Variants in MAPT observed in about 807,000 individuals in gnomAD.
The protein encoded by MAPT is microtubule-associated protein tau.
MAPT carries 34 observed loss-of-function variants against 67.9 expected under a neutral mutation model. The ratio of observed to expected loss-of-function variants is 0.50; its 90% CI spans 0.38 to 0.67. MAPT has a LOEUF of 0.67. MAPT is among the 30% of genes least tolerant of loss of function. The pLI, the probability that MAPT is intolerant of heterozygous loss-of-function variation, is 0.00. For missense variants in MAPT, 881 were observed against 1,115.2 expected, an observed-to-expected ratio of 0.79 and a Z score of 2.99; for synonymous variants, 456 against 464.5, an observed-to-expected ratio of 0.98 and a Z score of 0.23.
chr17:46,006,797 C>T (rs969649797), intron 9 of MAPT, among the ~76,000 whole-genome samples: 17 of 151,966 alleles, frequency 1.1e-4, no homozygotes, highest in African/African-American at 4.1e-4. Context: ...GTGGTGGGCG[C>T]CTGTAGTCCC....
At chr17:45,950,639 T>A (rs188838950) in intron 1 of MAPT, among the ~76,000 whole-genome samples, 1 of 152,154 alleles carries the variant, frequency 6.6e-6, no homozygotes, top group Admixed American at 6.5e-5. Flanking sequence ...CTAGTTCCCA[T>A]ACTTTTAATT....
At chr17:45,900,512 A>G (rs1161597353) in intron 1 of MAPT, among the ~76,000 whole-genome samples, 1 of 152,164 alleles carries the variant, frequency 6.6e-6, no homozygotes, top group Non-Finnish European at 1.5e-5. Context: ...TGCTTTTTTC[A>G]TATTTCATCA....
intron 5 of MAPT, among the ~76,000 whole-genome samples, chr17:45,986,739 C>T (rs1335340634): frequency 6.6e-6 from 1 of 152,192 alleles, no homozygotes; most frequent in African/African-American, 2.4e-5. Flanking sequence ...CCTTAGATAG[C>T]CTCCATGCCA....
Position 45,896,843 on chromosome 17 carries a change from A to C in MAPT, c.-18+2157A>C, listed in dbSNP as rs2063275223. 1.3e-5 allele frequency: 2 copies of C among 152,768 alleles called. No homozygotes were observed. Among genetic ancestry groups the C allele is most frequent in the Non-Finnish European group, 2.9e-5 (2 of 68,400 alleles). The allele number at this position is 152,768 out of a possible 1,614,324, so 9.5% of individuals were successfully genotyped here. A position where few individuals can be genotyped will look rare whatever the true frequency, so the allele number is the denominator to read the frequency against. ...GGGCGGCAGGGGGAACTCCTGGCCA[A>C]CGAATCCATGCCTCGCCCTCCTGTG... On this transcript the variant is annotated intron_variant, in intron 1 of 12. Coordinates refer to ENST00000262410, the MANE Select transcript of MAPT (RefSeq NM_001377265.1). This position sits in a 1 kb window ranked among gnomAD's most constrained non-coding sequence, Gnocchi z 5.6.
At chr17:45,908,669 A>G (rs2064510587) in intron 1 of MAPT, among the ~76,000 whole-genome samples, 1 of 152,208 alleles carries the variant, frequency 6.6e-6, no homozygotes, top group Admixed American at 6.5e-5. Context: ...GGGGTTATGC[A>G]TATCGAATTA....
chr17:46,007,472 G>A (rs939094898), intron 9 of MAPT, among the ~76,000 whole-genome samples: 1 of 152,090 alleles, frequency 6.6e-6, no homozygotes, highest in African/African-American at 2.4e-5. Context: ...GGGTGACAGA[G>A]TGAGAGCTTG....
intron 1 of MAPT, among the ~76,000 whole-genome samples, chr17:45,916,657 C>T (rs1330904076): frequency 6.6e-6 from 1 of 152,198 alleles, no homozygotes. Flanking sequence ...CTCCTCCCTG[C>T]AGGACCTCCC....
intron 1 of MAPT, among the ~76,000 whole-genome samples, chr17:45,938,688 G>T (rs1443521310): frequency 6.6e-6 from 1 of 152,042 alleles, no homozygotes; most frequent in Non-Finnish European, 1.5e-5. Context: ...TATGGTTCAG[G>T]CTGGAGTGCA....
chr17:45,984,573 T>C (rs985090470), intron 5 of MAPT, among the ~76,000 whole-genome samples: 43 of 152,358 alleles, frequency 2.8e-4, no homozygotes, highest in Non-Finnish European at 2.9e-5. Context: ...GCTCATGCTG[T>C]GCCTTTGGCC....
intron 9 of MAPT, among the ~76,000 whole-genome samples, chr17:46,008,435 A>G (rs1408835264): frequency 6.6e-6 from 1 of 152,218 alleles, no homozygotes; most frequent in Non-Finnish European, 1.5e-5. Flanking sequence ...GCATGTGCAC[A>G]ATAATTCTAC....
Position 45,962,361 on chromosome 17 carries a change from C to T in MAPT, c.24C>T (p.Phe8=), listed in dbSNP as rs886700939. 1.2e-6 allele frequency: 2 copies of T among 1,612,004 alleles called. No homozygotes were observed. The highest frequency in any genetic ancestry group is 1.7e-6 in the Non-Finnish European group (2 of 1,179,854). MAEPRQE[F]EVMEDHAGTY... is the part of the protein sequence containing the mutation. ...GGATGGCTGAGCCCCGCCAGGAGTT[C>T]GAAGTGATGGAAGATCACGCTGGGA... Residue 8 remains phenylalanine, a synonymous_variant, in exon 2 of 13, where the codon TTC becomes TTT. Coordinates refer to ENST00000262410, the MANE Select transcript of MAPT (RefSeq NM_001377265.1).
chr17:45,960,198 CT>C (rs1171349684), intron 1 of MAPT, among the ~76,000 whole-genome samples: 4 of 152,216 alleles, frequency 2.6e-5, no homozygotes, highest in Non-Finnish European at 5.9e-5. Flanking sequence ...AAGTATCTGC[CT>C]TTTCAAATGT....
chr17:45,941,370 C>T (rs1365576843), intron 1 of MAPT, among the ~76,000 whole-genome samples: 1 of 152,050 alleles, frequency 6.6e-6, no homozygotes, highest in Non-Finnish European at 1.5e-5. Context: ...ACCCAGAAGC[C>T]TCTCAGACAC....
intron 1 of MAPT, among the ~76,000 whole-genome samples, chr17:45,937,641 A>G (rs1303391488): frequency 7.2e-6 from 1 of 138,496 alleles, no homozygotes; most frequent in Admixed American, 7.1e-5. Context: ...AAAAGAAAAG[A>G]AAAAAAAAAA....
chr17:46,013,552 T>C (rs986135778), intron 10 of MAPT, among the ~76,000 whole-genome samples: 2 of 152,210 alleles, frequency 1.3e-5, no homozygotes, highest in African/African-American at 4.8e-5. Context: ...ACCCACCCTG[T>C]TGGTGTTGCT....
intron 1 of MAPT, among the ~76,000 whole-genome samples, chr17:45,951,350 G>T (rs1014372734): frequency 6.6e-6 from 1 of 152,132 alleles, no homozygotes; most frequent in African/African-American, 2.4e-5. Context: ...CGTTCTTTAC[G>T]TTGCATGAAT....
At chr17:45,919,312 C>T (rs752803178) in intron 1 of MAPT, among the ~76,000 whole-genome samples, 29 of 152,022 alleles carry the variant, frequency 1.9e-4, no homozygotes, top group African/African-American at 2.4e-5. Context: ...CTCACTTACA[C>T]GAGGCATCCA....
intron 1 of MAPT, among the ~76,000 whole-genome samples, chr17:45,901,606 C>T (rs1048696801): frequency 9.2e-5 from 14 of 152,236 alleles, no homozygotes; most frequent in East Asian, 3.9e-4. Flanking sequence ...GCCTTCTTAT[C>T]GCTTAAATCA....
intron 2 of MAPT, among the ~76,000 whole-genome samples, chr17:45,968,872 A>G (rs2071357462): frequency 6.6e-6 from 1 of 152,258 alleles, no homozygotes; most frequent in African/African-American, 2.4e-5. Flanking sequence ...AGTGCTTTAA[A>G]TAAGCATTCA....
Sources: allele counts gnomAD v4.1 joint callset (sites outside exome capture counted in the v4.1 genomes callset), GRCh38; gene constraint gnomAD v4.1.1; non-coding constraint Gnocchi (gnomAD v3.1); transcripts MANE v1.5; gene names NCBI Gene and HGNC (gene_info 2026-07-23, HGNC 2026-07-21).